The following PRPF40B variants were observed in gnomAD, a reference collection of about 807,000 sequenced individuals.
The protein encoded by PRPF40B is pre-mRNA processing factor 40B.
PRPF40B carries 56 observed loss-of-function variants against 124.5 expected under a neutral mutation model. The ratio of observed to expected loss-of-function variants is 0.45; its 90% CI spans 0.36 to 0.56. The LOEUF is 0.56. Ranked by LOEUF, PRPF40B falls within the 20% of genes least tolerant of loss-of-function variation. The pLI, the probability that PRPF40B is intolerant of heterozygous loss-of-function variation, is 0.00. For synonymous variants in PRPF40B, 443 were observed against 426.4 expected (o/e 1.04, Z -0.48); for missense variants, 1,053 against 1,169.5 (o/e 0.90, Z 1.45).
chr12:49,631,993 G>A lies in PRPF40B; in HGVS notation c.294+68G>A. ...TCCCGTGAGTCTGACTTGGAATGCA[G>A]GACTATGACCTCCATTCTTTCCCTC... On this transcript the variant is annotated intron_variant, in intron 4 of 25. Coordinates refer to ENST00000548825, the MANE Select transcript of PRPF40B (RefSeq NM_001031698.3). This position sits in a 1 kb window ranked among gnomAD's most constrained non-coding sequence, Gnocchi z 4.3. The A allele has an allele frequency of 6.9e-7, 1 of 1,456,898 alleles. No homozygotes were observed. Among genetic ancestry groups the A allele is most frequent in the Non-Finnish European group, 9.6e-7 (1 of 1,038,818 alleles). 90.2% of individuals were successfully genotyped at this position (1,456,898 alleles called of 1,614,324 possible). A position where few individuals can be genotyped will look rare whatever the true frequency, so the allele number is the denominator to read the frequency against.
rs368601651 is a variant in PRPF40B at position 49,632,836 on chromosome 12, T to A, written c.323-19T>A. 1.4e-5 allele frequency: 23 copies of A among 1,613,770 alleles called. No homozygotes were observed. The African/African-American group carries it at 3.1e-4, about 22-fold the overall frequency. ...GGTCGGAGCAAGGACTTAGTATGTATCCTTTGGCTTTTTTCTAGCTGCTGT... is the reference window on the plus strand; with the variant it reads ...GGTCGGAGCAAGGACTTAGTATGTAACCTTTGGCTTTTTTCTAGCTGCTGT... On this transcript the variant is annotated intron_variant, in intron 5 of 25. Coordinates refer to ENST00000548825, the MANE Select transcript of PRPF40B (RefSeq NM_001031698.3).
Position 49,631,272 on chromosome 12 carries a change from C to T in PRPF40B, c.85-129C>T. 1 of 611,144 alleles carries T rather than the reference C, an allele frequency of 1.6e-6. No homozygotes were observed. The highest frequency in any genetic ancestry group is 3.4e-5 in the South Asian group (1 of 29,496). The allele number at this position is 611,144 out of a possible 1,614,324, so 37.9% of individuals were successfully genotyped here. A position where few individuals can be genotyped will look rare whatever the true frequency, so the allele number is the denominator to read the frequency against. ...TGCCTTGTGCTTCTCAAACTAAAGC[C>T]TTGGAATTGCCTCAGAGCAGGGTGG... On this transcript the variant is annotated intron_variant, in intron 2 of 25. Transcript: ENST00000548825. This position sits in a 1 kb window ranked among gnomAD's most constrained non-coding sequence, Gnocchi z 4.3.
intron 10 of PRPF40B, 39 bp from the exon 11 acceptor site, chr12:49,634,293 G>A: frequency 6.2e-7 from 1 of 1,613,758 alleles, no homozygotes; most frequent in Non-Finnish European, 8.5e-7. Flanking sequence ...AGCTGTGAGA[G>A]CTGGGGGACC....
chr12:49,634,802 T>G (rs2138499190), intron 12 of PRPF40B, 200 bp downstream of exon 12: 2 of 652,730 alleles, frequency 3.1e-6, no homozygotes, highest in Non-Finnish European at 5.2e-6. Flanking sequence ...ACACGTTCAA[T>G]AAATGCTTCC....
intron 18 of PRPF40B, chr12:49,640,477 G>C (rs115397805): frequency 2.0e-5 from 3 of 152,336 alleles, no homozygotes; most frequent in African/African-American, 7.2e-5. Context: ...CTGAGGACCA[G>C]ATGAGTGAGG....
chr12:49,635,595 A>G lies in PRPF40B; in HGVS notation c.1275+122A>G. 1 of 1,041,060 alleles carries G rather than the reference A, an allele frequency of 9.6e-7. No homozygotes were observed. Among genetic ancestry groups the G allele is most frequent in the Non-Finnish European group, 1.4e-6 (1 of 717,048 alleles). The allele number at this position is 1,041,060 out of a possible 1,614,324, so 64.5% of individuals were successfully genotyped here. ...CCCAGTGTCCCAGCTTCTGACTTGGAAGCTGGTATGGGACTTGCACATCTC... is the reference window on the plus strand; with the variant it reads ...CCCAGTGTCCCAGCTTCTGACTTGGGAGCTGGTATGGGACTTGCACATCTC... On this transcript the variant is annotated intron_variant, in intron 14 of 25. Coordinates refer to ENST00000548825, the MANE Select transcript of PRPF40B (RefSeq NM_001031698.3). This position sits in a 1 kb window ranked among gnomAD's most constrained non-coding sequence, Gnocchi z 4.1.
At position 49,632,996 on chromosome 12, in the gene PRPF40B, G is replaced by GGGGGGGCCCC; in HGVS notation, c.349-18_349-17insGGGGGGCCCC. 7.0e-6 allele frequency: 8 copies of GGGGGGGCCCC among 1,147,380 alleles called. No homozygotes were observed. The highest frequency in any genetic ancestry group is 9.7e-6 in the Non-Finnish European group (8 of 822,996). The allele number at this position is 1,147,380 out of a possible 1,614,324, so 71.1% of individuals were successfully genotyped here. ...AAAGGGGCCTTGACCACCATTCTGTGCCCCCCCCCCCACCCAGAGGGCCCT... is the reference window on the plus strand; with the variant it reads ...AAAGGGGCCTTGACCACCATTCTGTGGGGGGGCCCCCCCCCCCCCCCACCCAGAGGGCCCT... On this transcript the variant is annotated splice_polypyrimidine_tract_variant and intron_variant, in intron 6 of 25. Transcript: ENST00000548825.
chr12:49,643,886 C>A lies in PRPF40B; in HGVS notation c.2468C>A (p.Pro823His), dbSNP rs148333441. Residue 823 changes from proline to histidine, a missense_variant, in exon 25 of 26, where the codon CCT (proline) becomes CAT (histidine). By Grantham distance (77) the Pro-to-His change is moderately conservative. Transcript: ENST00000548825. Reference sequence around the variant, plus strand: ...AATAGTCCTGAGAGTGAGACAGACCCTGAGGAGAAAGCTGGCAAGGAGAGC... The same window carrying A: ...AATAGTCCTGAGAGTGAGACAGACCATGAGGAGAAAGCTGGCAAGGAGAGC... ...KSNSPESETDPEEKAGKESDE... is the reference protein window; with the variant it reads ...KSNSPESETDHEEKAGKESDE... The A allele has an allele frequency of 1.1e-5, 18 of 1,614,046 alleles. No individual in the cohort carries two copies. The highest frequency in any genetic ancestry group is 1.5e-5 in the Non-Finnish European group (18 of 1,180,032).
Position 49,634,347 on chromosome 12 carries a change from G to C in PRPF40B, c.828G>C (p.Gln276His). 1 of 1,614,256 alleles carries C rather than the reference G, an allele frequency of 6.2e-7. No homozygotes were observed. The highest frequency in any genetic ancestry group is 1.1e-5 in the South Asian group (1 of 91,092). The change falls in exon 11 of 26, where the codon CAG becomes CAC. Residue 276 changes from glutamine (Q) to histidine (H), a missense_variant. By Grantham distance (24) the Gln-to-His change is conservative. Transcript: ENST00000548825. Reference sequence around the variant, plus strand: ...TGCCCTCCAGTTCTGGACAGCATCAGCCACAGCAGGAGGAGGAGGAATCAA... The same window carrying C: ...TGCCCTCCAGTTCTGGACAGCATCACCCACAGCAGGAGGAGGAGGAATCAA... ...EEGPSSSGQH[Q>H]PQQEEEESKP...
chr12:49,644,222 G>C lies in PRPF40B; in HGVS notation c.*30G>C, dbSNP rs1468779154. 2 of 1,611,054 alleles carry C rather than the reference G, an allele frequency of 1.2e-6. No individual in the cohort carries two copies. Among genetic ancestry groups the C allele is most frequent in the Non-Finnish European group, 1.7e-6 (2 of 1,177,564 alleles). On this transcript the variant is annotated 3_prime_UTR_variant, in exon 26 of 26. Transcript: ENST00000548825. ...ATGAGCTGTTCTCTGCCTCGGGTCTGTGTGAGGCCATGGCTCCTGGGCCAC... is the reference window on the plus strand; with the variant it reads ...ATGAGCTGTTCTCTGCCTCGGGTCTCTGTGAGGCCATGGCTCCTGGGCCAC...
At chr12:49,640,604 T>A (rs1005652188) in intron 18 of PRPF40B, 1 of 152,176 alleles carries the variant, frequency 6.6e-6, no homozygotes, top group Admixed American at 6.5e-5. Context: ...CCTGGTTGCT[T>A]ATTGGCTCTG....
rs1280276310 is a variant in PRPF40B, at chr12:49,642,584, G to A, written c.2027G>A (p.Arg676His). 2.5e-6 allele frequency: 4 copies of A among 1,614,070 alleles called. No homozygotes were observed. The highest frequency in any genetic ancestry group is 1.7e-5 in the Admixed American group (1 of 60,004). ...LELGTAWEEV[R>H]ERFVCDSAFE... ...GCAGTGCTCTCCTCGTTCAAGGTCC[G>A]TGAGCGTTTTGTGTGTGACTCAGCC... The change falls in exon 21 of 26, where the codon CGT (arginine) becomes CAT (histidine). Residue 676 changes from arginine to histidine, a missense_variant. This residue lies in a region of PRPF40B where 895 missense variants were observed against 1,052.2 expected (regional missense o/e 0.85). Transcript: ENST00000548825. The surrounding 1 kb of genome is among the most constrained non-coding windows in gnomAD (Gnocchi z 5.8).
At chr12:49,641,212 GTTTT>G (rs1006931062) in intron 18 of PRPF40B, 4 of 152,282 alleles carry the variant, frequency 2.6e-5, no homozygotes, top group Non-Finnish European at 5.9e-5. Context: ...CTGTGGACAT[GTTTT>G]TAGTATTGGT....
At chr12:49,625,887 A>G (rs368527400) in intron 1 of PRPF40B, among the ~76,000 whole-genome samples, 4 of 152,192 alleles carry the variant, frequency 2.6e-5, no homozygotes, top group East Asian at 3.8e-4. Flanking sequence ...AAGCAGGGAC[A>G]CAACACGGGA....
At position 49,644,630 on chromosome 12, in the gene PRPF40B, G is replaced by A. The variant is rs1943084799; in HGVS notation, c.*438G>A. 5.4e-6 allele frequency: 1 copy of A among 186,122 alleles called. No individual in the cohort carries two copies. The highest frequency in any genetic ancestry group is 1.0e-4 in the South Asian group (1 of 9,572). The allele number at this position is 186,122 out of a possible 1,614,324, so 11.5% of individuals were successfully genotyped here. ...CCAGGACCTAATGTACGTGTGTTTT[G>A]TTTTTTGTTTTTTAAATAACAATAT... On this transcript the variant is annotated 3_prime_UTR_variant, in exon 26 of 26. Transcript: ENST00000548825.
In PRPF40B at chr12:49,642,720, C is replaced by A; in HGVS notation, c.2118+45C>A. 2 of 1,578,780 alleles carry A rather than the reference C, an allele frequency of 1.3e-6. No individual in the cohort carries two copies. The highest frequency in any genetic ancestry group is 1.8e-5 in the Admixed American group (1 of 56,630). On this transcript the variant is annotated intron_variant, in intron 21 of 25. Coordinates refer to ENST00000548825, the MANE Select transcript of PRPF40B (RefSeq NM_001031698.3). The surrounding 1 kb of genome is among the most constrained non-coding windows in gnomAD (Gnocchi z 5.8). ...TGGATCTGCCTCAGGCCCTTGAACTCATTAGACCAGTTCAACAGAGACCTC... is the reference window on the plus strand; with the variant it reads ...TGGATCTGCCTCAGGCCCTTGAACTAATTAGACCAGTTCAACAGAGACCTC...
chr12:49,638,112 ATT>A (rs1942095157), intron 18 of PRPF40B: 2 of 380,332 alleles, frequency 5.3e-6, no homozygotes, highest in South Asian at 6.4e-5. Flanking sequence ...GCATTTAGAA[ATT>A]TGTAGGTGGA....
rs376648517 is a variant in PRPF40B, at chr12:49,632,996, G to GC, written c.349-7dup. The GC allele has an allele frequency of 0.066, 72,843 of 1,108,794 alleles. 157 individuals are homozygous for GC. The highest frequency in any genetic ancestry group is 0.071 in the Non-Finnish European group (56,445 of 797,010). The allele number at this position is 1,108,794 out of a possible 1,614,324, so 68.7% of individuals were successfully genotyped here. ...AAAGGGGCCTTGACCACCATTCTGTGCCCCCCCCCCCACCCAGAGGGCCCT... is the reference window on the plus strand; with the variant it reads ...AAAGGGGCCTTGACCACCATTCTGTGCCCCCCCCCCCCACCCAGAGGGCCCT... On this transcript the variant is annotated splice_polypyrimidine_tract_variant and intron_variant, in intron 6 of 25. Transcript: ENST00000548825.
intron 18 of PRPF40B, chr12:49,639,539 T>C (rs977522594): frequency 3.9e-5 from 6 of 152,222 alleles, no homozygotes; most frequent in African/African-American, 1.4e-4. Context: ...GGTTTCTATG[T>C]AGGTGCCTTG....
Sources: allele counts gnomAD v4.1 joint callset (sites outside exome capture counted in the v4.1 genomes callset), GRCh38; gene constraint gnomAD v4.1.1; regional missense constraint gnomAD v4.1.1; non-coding constraint Gnocchi (gnomAD v3.1); transcripts MANE v1.5; gene names NCBI Gene and HGNC (gene_info 2026-07-23, HGNC 2026-07-21).